The following HYDIN variants were observed in gnomAD, a reference collection of about 807,000 sequenced individuals.
HYDIN encodes axonemal central pair apparatus protein HYDIN.
A neutral mutation model predicts 403.9 loss-of-function variants in HYDIN; 132 were observed. The ratio of observed to expected loss-of-function variants is 0.33; its 90% CI spans 0.28 to 0.38. The LOEUF is 0.38. Ranked by LOEUF, HYDIN falls within the 10% of genes least tolerant of loss-of-function variation. HYDIN has a pLI of 1.00. For missense variants in HYDIN, 2,827 were observed against 5,009.5 expected, an observed-to-expected ratio of 0.56 and a Z score of 13.15; for synonymous variants, 1,202 against 1,891.7, an observed-to-expected ratio of 0.64 and a Z score of 9.46.
At chr16:71,136,838 G>C (rs900664647) in intron 8 of HYDIN, among the ~76,000 whole-genome samples, 1 of 145,712 alleles carries the variant, frequency 6.9e-6, no homozygotes, top group Non-Finnish European at 1.5e-5. Flanking sequence ...AAGTAATAGA[G>C]ACAGGTAGAC....
intron 27 of HYDIN, among the ~76,000 whole-genome samples, chr16:70,986,467 T>TG (rs2079196794): frequency 6.6e-6 from 1 of 152,222 alleles, no homozygotes; most frequent in Non-Finnish European, 1.5e-5. Flanking sequence ...ATCATGGAGA[T>TG]GGTCTCAGTA....
intron 13 of HYDIN, among the ~76,000 whole-genome samples, chr16:71,072,524 T>C (rs2082499266): frequency 6.6e-6 from 1 of 151,828 alleles, no homozygotes; most frequent in African/African-American, 2.4e-5. Context: ...AATTTTATAG[T>C]GCGTTAGCCC....
intron 19 of HYDIN, among the ~76,000 whole-genome samples, chr16:71,028,481 T>C (rs1512589): frequency 0.038 from 4,584 of 119,532 alleles, no homozygotes; most frequent in African/African-American, 0.079. Context: ...CTAAGAACGT[T>C]CCGACTGCCT....
chr16:70,817,758 T>C (rs1420004980), intron 84 of HYDIN, among the ~76,000 whole-genome samples: 1 of 152,092 alleles, frequency 6.6e-6, no homozygotes, highest in Non-Finnish European at 1.5e-5. Flanking sequence ...TTATATTATT[T>C]TGAGATAGAG....
intron 44 of HYDIN, among the ~76,000 whole-genome samples, chr16:70,938,072 G>C (rs2077549736): frequency 1.3e-5 from 2 of 152,224 alleles, no homozygotes; most frequent in Admixed American, 1.3e-4. Flanking sequence ...CAGGATTGAG[G>C]ATCTGCCCAG....
Position 70,829,737 on chromosome 16 carries a change from A to G in HYDIN, c.13993T>C (p.Phe4665Leu). ...GGCCCCTCCCAGTGCTCGCCCTCAA[A>G]GATGGGGTGCAGATTCCAGGTCTGG... is the stretch of plus-strand genomic sequence containing the variant. ...TNQTWNLHPI[F>L]EGEHWEGPEF... is the part of the protein sequence containing the mutation. Residue 4665 changes from phenylalanine to leucine, a missense_variant, in exon 81 of 86, where the codon TTT becomes CTT. By Grantham distance (22) the Phe-to-Leu change is conservative (BLOSUM62 0). Transcript: ENST00000393567. The G allele has an allele frequency of 1.2e-6, 2 of 1,614,018 alleles. No homozygotes were observed. The highest frequency in any genetic ancestry group is 1.1e-5 in the South Asian group (1 of 91,076).
At position 71,060,559 on chromosome 16, in the gene HYDIN, C is replaced by G. The variant is rs778093575; in HGVS notation, c.2474G>C (p.Arg825Thr). The G allele has an allele frequency of 1.8e-5, 12 of 678,124 alleles. No individual in the cohort carries two copies. The South Asian group carries it at 2.1e-4, about 12-fold the overall frequency. 42.0% of individuals were successfully genotyped at this position (678,124 alleles called of 1,614,324 possible). The stretch of plus-strand genomic sequence containing the variant: ...GGACTGGTTGCATAGGTTGAGAATC[C>G]TGGAAGAGTCTTTTAGGACGTAGAT... ...GNIYVLKDSS[R>T]ILNLCNQSFI... The change falls in exon 18 of 86, where the codon AGG becomes ACG. Residue 825 changes from arginine to threonine, a missense_variant. By Grantham distance (71) the Arg-to-Thr change is moderately conservative. Coordinates refer to ENST00000393567, the MANE Select transcript of HYDIN (RefSeq NM_001270974.2).
chr16:70,838,073 A>G (rs2037557491), intron 76 of HYDIN, among the ~76,000 whole-genome samples, 185 bp from the exon 77 acceptor site: 1 of 152,108 alleles, frequency 6.6e-6, no homozygotes, highest in East Asian at 1.9e-4. Flanking sequence ...TCTCTTAGGC[A>G]CAACCAAGTT....
chr16:71,136,776 A>C (rs1257497182), intron 8 of HYDIN, among the ~76,000 whole-genome samples: 10 of 149,836 alleles, frequency 6.7e-5, no homozygotes, highest in Non-Finnish European at 1.3e-4. Context: ...CAAAAAAAAA[A>C]AAAACAAAAA....
rs538176281 is a variant in HYDIN, at chr16:71,187,910, T to C, written c.-23-992A>G. Among the ~76,000 whole-genome samples the C allele has an allele frequency of 5.3e-4, 81 of 152,260 alleles. 1 individual carries two copies. The East Asian group carries it at 0.011, about 20-fold the overall frequency. The stretch of plus-strand genomic sequence containing the variant: ...TCAAGGAAGATCCACCATGCTATAA[T>C]TGGAGCTCCTTAAGAAGAGAATAAA... On this transcript the variant is annotated intron_variant, in intron 1 of 85. Transcript: ENST00000393567.
rs201957938 is a variant in HYDIN at position 70,866,313 on chromosome 16, G to A, written c.11327C>T (p.Pro3776Leu). The change falls in exon 67 of 86, where the codon CCG (proline) becomes CTG (leucine). Residue 3776 changes from proline to leucine, a missense_variant. By Grantham distance (98) the Pro-to-Leu change is moderately conservative (BLOSUM62 -3). Coordinates refer to ENST00000393567, the MANE Select transcript of HYDIN (RefSeq NM_001270974.2). ...TTKRKVIETD[P>L]EPAHSVLEEN... is the part of the protein sequence containing the mutation. ...TTCTAGTACTGAGTGAGCAGGTTCC[G>A]GATCCGTCTCTATCACCTGTAACAA... 488 of 1,237,292 alleles carry A rather than the reference G, an allele frequency of 3.9e-4. 1 individual carries two copies. The African/African-American group carries it at 5.8e-3, about 15-fold the overall frequency. 76.6% of individuals were successfully genotyped at this position (1,237,292 alleles called of 1,614,324 possible). A position where few individuals can be genotyped will look rare whatever the true frequency, so the allele number is the denominator to read the frequency against.
At chr16:70,928,071 A>C (rs967743781) in intron 45 of HYDIN, among the ~76,000 whole-genome samples, 1 of 152,118 alleles carries the variant, frequency 6.6e-6, no homozygotes, top group African/African-American at 2.4e-5. Context: ...TGAGAAATGC[A>C]TATTGATAAA....
intron 28 of HYDIN, 157 bp downstream of exon 28, chr16:70,985,028 C>A (rs148822747): frequency 3.2e-6 from 2 of 628,166 alleles, no homozygotes; most frequent in South Asian, 2.3e-5. Context: ...AATAAATGAG[C>A]GAAGTGGCTT....
intron 25 of HYDIN, among the ~76,000 whole-genome samples, chr16:70,988,935 T>C (rs1190017731): frequency 6.6e-6 from 1 of 151,344 alleles, no homozygotes; most frequent in Non-Finnish European, 1.5e-5. Flanking sequence ...ATCTGGGAGG[T>C]TGTTTGCTAA....
intron 11 of HYDIN, among the ~76,000 whole-genome samples, chr16:71,093,024 G>C (rs888994714): frequency 1.7e-5 from 2 of 116,062 alleles, no homozygotes; most frequent in African/African-American, 8.6e-5. Context: ...GTAAGGATTA[G>C]AAATCACACA....
At chr16:71,009,416 T>C (rs914076782) in intron 23 of HYDIN, among the ~76,000 whole-genome samples, 1 of 150,190 alleles carries the variant, frequency 6.7e-6, no homozygotes, top group Admixed American at 6.6e-5. Flanking sequence ...TGAGTCAGGA[T>C]TACCGTTGCT....
intron 79 of HYDIN, 26 bp from the exon 80 acceptor site, chr16:70,833,093 A>G (rs1567673719): frequency 1.3e-6 from 2 of 1,588,660 alleles, no homozygotes; most frequent in Admixed American, 1.8e-5. Flanking sequence ...GAAGAAAAGA[A>G]AGAGAGTTTA....
At chr16:71,176,178 G>A (rs1287832313) in intron 4 of HYDIN, among the ~76,000 whole-genome samples, 1 of 140,338 alleles carries the variant, frequency 7.1e-6, no homozygotes, top group Admixed American at 6.8e-5. Flanking sequence ...GGTAGCATGT[G>A]CCTGTAGTCC....
chr16:71,084,483 T>C lies in HYDIN; in HGVS notation c.1670+3818A>G, dbSNP rs1170241387. Among the ~76,000 whole-genome samples the C allele has an allele frequency of 3.3e-5, 5 of 151,228 alleles. No individual in the cohort carries two copies. In the South Asian group the frequency reaches 6.3e-4, roughly 19 times the overall value. On this transcript the variant is annotated intron_variant, in intron 12 of 85. Coordinates refer to ENST00000393567, the MANE Select transcript of HYDIN (RefSeq NM_001270974.2). ...CTCACTGCAATCTCCGCCTCCTGGG[T>C]TCAAGTGATTCTCCTGCCTCAGCCT... is the stretch of plus-strand genomic sequence containing the variant.
Sources: allele counts gnomAD v4.1 joint callset (sites outside exome capture counted in the v4.1 genomes callset), GRCh38; gene constraint gnomAD v4.1.1; transcripts MANE v1.5; gene names NCBI Gene and HGNC (gene_info 2026-07-23, HGNC 2026-07-21).